NALF1: variants seen among roughly 807,000 people sequenced by gnomAD.
The protein encoded by NALF1 is NALCN channel auxiliary factor 1, also known as family with sequence similarity 155 member A.
In NALF1, 3 loss-of-function variants were observed where a neutral mutation model predicts 48.4. The observed-to-expected ratio is 0.06, with a 90% CI of 0.03 to 0.16. The LOEUF (loss-of-function observed/expected upper bound fraction) is 0.16, where lower values mean the gene tolerates loss of function less well. Ranked by LOEUF, NALF1 falls within the 10% of genes least tolerant of loss-of-function variation. The pLI is 1.00. For missense variants in NALF1, 526 were observed against 571.5 expected (o/e 0.92, Z 0.81); for synonymous variants, 262 against 245.7 (o/e 1.07, Z -0.62).
intron 1 of NALF1, among the ~76,000 whole-genome samples, chr13:107,437,611 T>C (rs1884484031): frequency 6.6e-6 from 1 of 152,146 alleles, no homozygotes; most frequent in African/African-American, 2.4e-5. Context: ...CTCAAAAACT[T>C]TACAGAAGAA....
chr13:107,595,213 AC>A (rs1342289745), intron 1 of NALF1, among the ~76,000 whole-genome samples: 20 of 152,248 alleles, frequency 1.3e-4, no homozygotes, highest in Non-Finnish European at 2.5e-4. Flanking sequence ...AAATTGTCAA[AC>A]CATCCATAAT....
rs190813402 is a variant in NALF1, at chr13:107,325,100, T to C, written c.916-114345A>G. Among the ~76,000 whole-genome samples, 13 of 152,338 alleles carry C rather than the reference T, an allele frequency of 8.5e-5. No individual in the cohort carries two copies. The East Asian group carries it at 2.5e-3, about 29-fold the overall frequency. ...ATCATCAGTGGCTTCTCTAAAAATA[T>C]GGAAGTACTCAGTTAACATATGATT... On this transcript the variant is annotated intron_variant, in intron 1 of 2. Coordinates refer to ENST00000375915, the MANE Select transcript of NALF1 (RefSeq NM_001080396.3).
At chr13:107,777,612 C>T (rs1462952400) in intron 1 of NALF1, among the ~76,000 whole-genome samples, 1 of 152,166 alleles carries the variant, frequency 6.6e-6, no homozygotes, top group Non-Finnish European at 1.5e-5. Context: ...CAGCTTCTGC[C>T]TAATTGTAAG....
rs1327842319 is a variant in NALF1 at position 107,867,272 on chromosome 13, C to A, written c.-676G>T. Among the ~76,000 whole-genome samples the A allele has an allele frequency of 3.7e-5, 4 of 107,652 alleles. No homozygotes were observed. The highest frequency in any genetic ancestry group is 6.9e-5 in the African/African-American group (2 of 29,144). The allele number at this position is 107,652 out of a possible 152,430, so 70.6% of individuals were successfully genotyped here. ...GGCTGCCTCCGGCGGGGCGCTCCCT[C>A]CCCCCCACCCCCCACCCCGCGCTCT... On this transcript the variant is annotated 5_prime_UTR_variant, in exon 1 of 3. Transcript: ENST00000375915. This position sits in a 1 kb window ranked among gnomAD's most constrained non-coding sequence, Gnocchi z 4.4.
chr13:107,404,202 T>G (rs1017592163), intron 1 of NALF1, among the ~76,000 whole-genome samples: 14 of 152,098 alleles, frequency 9.2e-5, no homozygotes, highest in Admixed American at 2.6e-4. Flanking sequence ...GACTAAAACT[T>G]TATTCTTAAA....
intron 1 of NALF1, among the ~76,000 whole-genome samples, chr13:107,670,732 C>A (rs1880970754): frequency 6.6e-6 from 1 of 152,146 alleles, no homozygotes; most frequent in African/African-American, 2.4e-5. Flanking sequence ...ATTTATGGCA[C>A]AGTGCTGCTC....
rs1208564972 is a variant in NALF1 at position 107,527,502 on chromosome 13, T to C, written c.916-316747A>G. 9.2e-5 allele frequency among the ~76,000 whole-genome samples: 14 copies of C among 152,138 alleles called. No individual in the cohort carries two copies. The East Asian group carries it at 2.7e-3, about 29-fold the overall frequency. On this transcript the variant is annotated intron_variant, in intron 1 of 2. Coordinates refer to ENST00000375915, the MANE Select transcript of NALF1 (RefSeq NM_001080396.3). ...AAGTATGCACACACAAACACAAACA[T>C]ACACGTTTTCCATGGCTGATAATTA...
intron 1 of NALF1, among the ~76,000 whole-genome samples, chr13:107,857,852 T>A (rs187820732): frequency 1.6e-4 from 25 of 152,352 alleles, no homozygotes; most frequent in African/African-American, 5.3e-4. Context: ...ATTAATTTTA[T>A]TGATGTTTCC....
chr13:107,513,958 TA>T (rs1875976711), intron 1 of NALF1, among the ~76,000 whole-genome samples: 1 of 152,174 alleles, frequency 6.6e-6, no homozygotes, highest in African/African-American at 2.4e-5. Flanking sequence ...TTTAGACCTT[TA>T]TTTTATGGAG....
At chr13:107,304,493 C>G (rs1195776182) in intron 1 of NALF1, among the ~76,000 whole-genome samples, 1 of 152,126 alleles carries the variant, frequency 6.6e-6, no homozygotes, top group Non-Finnish European at 1.5e-5. Context: ...GTGGAATTAA[C>G]AAAGAAAATA....
chr13:107,701,646 A>G (rs2138511913), intron 1 of NALF1, among the ~76,000 whole-genome samples: 1 of 152,248 alleles, frequency 6.6e-6, no homozygotes, highest in South Asian at 2.1e-4. Context: ...ACAATAAACA[A>G]ATCTAGAGAT....
Position 107,352,170 on chromosome 13 carries a change from G to C in NALF1, c.916-141415C>G, listed in dbSNP as rs150547792. The stretch of plus-strand genomic sequence containing the variant: ...CCCTGTGTGCAGTCTCTGTAAACCG[G>C]CCAGAATCACTCCACAGTCAGGAAT... On this transcript the variant is annotated intron_variant, in intron 1 of 2. Transcript: ENST00000375915. Among the ~76,000 whole-genome samples the C allele has an allele frequency of 2.0e-4, 30 of 152,280 alleles. No homozygotes were observed. In the East Asian group the frequency reaches 4.8e-3, roughly 25 times the overall value.
At chr13:107,711,218 C>A (rs187657421) in intron 1 of NALF1, among the ~76,000 whole-genome samples, 19 of 152,270 alleles carry the variant, frequency 1.2e-4, no homozygotes, top group African/African-American at 4.3e-4. Context: ...CACAGTGTTA[C>A]CCACACGTGC....
intron 1 of NALF1, among the ~76,000 whole-genome samples, chr13:107,746,408 T>G (rs1876782255): frequency 6.6e-6 from 1 of 152,218 alleles, no homozygotes; most frequent in Non-Finnish European, 1.5e-5. Context: ...ATATATTGTG[T>G]TGGAGAAAAA....
intron 1 of NALF1, chr13:107,788,261 T>A (rs1878130902): frequency 6.6e-6 from 1 of 152,210 alleles, no homozygotes; most frequent in African/African-American, 2.4e-5. Flanking sequence ...GCGTGTCTCA[T>A]TTTGCCCTCA....
At chr13:107,800,512 A>G (rs1878574170) in intron 1 of NALF1, among the ~76,000 whole-genome samples, 1 of 144,600 alleles carries the variant, frequency 6.9e-6, no homozygotes, top group African/African-American at 2.5e-5. Flanking sequence ...TCATAAACCA[A>G]GCATTTGCAT....
intron 1 of NALF1, among the ~76,000 whole-genome samples, chr13:107,781,410 T>A (rs1325764769): frequency 1.3e-5 from 2 of 152,282 alleles, no homozygotes; most frequent in South Asian, 2.1e-4. Flanking sequence ...CAGATTTTTT[T>A]AATCTGATCT....
At chr13:107,591,167 C>T (rs1489964123) in intron 1 of NALF1, among the ~76,000 whole-genome samples, 3 of 151,746 alleles carry the variant, frequency 2.0e-5, no homozygotes, top group Non-Finnish European at 4.4e-5. Flanking sequence ...TTTCGTGATG[C>T]CAAGTAATAA....
chr13:107,638,022 A>G (rs1880032338), intron 1 of NALF1, among the ~76,000 whole-genome samples: 1 of 151,764 alleles, frequency 6.6e-6, no homozygotes, highest in Non-Finnish European at 1.5e-5. Flanking sequence ...TGTACCATAC[A>G]GTGCCTTAAT....
Sources: allele counts gnomAD v4.1 joint callset (sites outside exome capture counted in the v4.1 genomes callset), GRCh38; gene constraint gnomAD v4.1.1; non-coding constraint Gnocchi (gnomAD v3.1); transcripts MANE v1.5; gene names NCBI Gene and HGNC (gene_info 2026-07-23, HGNC 2026-07-21).